FHIP1A: variants seen among roughly 807,000 people sequenced by gnomAD.
The protein encoded by FHIP1A is FHF complex subunit HOOK interacting protein 1A, also known as FHF complex subunit HOOK-interacting protein 1A.
In FHIP1A, 61 loss-of-function variants were observed where a neutral mutation model predicts 88.6. That is an observed-to-expected ratio of 0.69 (90% CI 0.56 to 0.85). The LOEUF (loss-of-function observed/expected upper bound fraction) is 0.85. Ranked by LOEUF, FHIP1A falls within the 40% of genes least tolerant of loss-of-function variation. FHIP1A has a pLI of 0.00. For missense variants in FHIP1A, 1,154 were observed against 1,273.5 expected, an observed-to-expected ratio of 0.91 and a Z score of 1.43; for synonymous variants, 478 against 496.0, an observed-to-expected ratio of 0.96 and a Z score of 0.48.
chr4:151,418,189 A>AAC (rs1486480723), intron 1 of FHIP1A, among the ~76,000 whole-genome samples: 3 of 151,284 alleles, frequency 2.0e-5, no homozygotes, highest in African/African-American at 7.3e-5. Flanking sequence ...AAAAAAAAAA[A>AAC]AAAAAACAAG....
chr4:151,561,495 T>C (rs771330101), intron 3 of FHIP1A, among the ~76,000 whole-genome samples: 2 of 152,180 alleles, frequency 1.3e-5, no homozygotes, highest in African/African-American at 4.8e-5. Context: ...AGAGGTTGTC[T>C]GAGGTAATTT....
At chr4:151,413,489 C>G (rs896057395) in intron 1 of FHIP1A, among the ~76,000 whole-genome samples, 9 of 152,110 alleles carry the variant, frequency 5.9e-5, no homozygotes, top group Non-Finnish European at 7.4e-5. Flanking sequence ...GAGTCTCGCT[C>G]TGTTGCCCAG....
chr4:151,546,770 G>A (rs1436135447), intron 3 of FHIP1A, among the ~76,000 whole-genome samples: 4 of 152,286 alleles, frequency 2.6e-5, no homozygotes, highest in South Asian at 4.2e-4. Context: ...ACATACACAC[G>A]CAACATGTTA....
intron 3 of FHIP1A, among the ~76,000 whole-genome samples, chr4:151,491,115 A>T (rs1307877332): frequency 6.6e-6 from 1 of 152,212 alleles, no homozygotes; most frequent in Non-Finnish European, 1.5e-5. Context: ...AGAGATCTAG[A>T]CATCCAAATA....
intron 3 of FHIP1A, among the ~76,000 whole-genome samples, chr4:151,485,282 G>GTTTTTTTTTTTTTTTTTTTTT (rs74327398): frequency 1.3e-4 from 15 of 118,740 alleles, no homozygotes; most frequent in African/African-American, 1.7e-4. Context: ...ATCTTTTCCA[G>GTTTTTTTTTTTTTTTTTTTTT]TTTTTTTTTT....
intron 13 of FHIP1A, among the ~76,000 whole-genome samples, chr4:151,659,330 G>A (rs1737366680): frequency 6.6e-6 from 1 of 152,130 alleles, no homozygotes; most frequent in Non-Finnish European, 1.5e-5. Flanking sequence ...CTGTCCCCTT[G>A]TACAAAGCTG....
At chr4:151,633,725 A>G (rs1292902170) in intron 8 of FHIP1A, among the ~76,000 whole-genome samples, 1 of 151,972 alleles carries the variant, frequency 6.6e-6, no homozygotes, top group Non-Finnish European at 1.5e-5. Flanking sequence ...CTCAATTGAT[A>G]CAGAAAAGGC....
intron 3 of FHIP1A, among the ~76,000 whole-genome samples, chr4:151,557,978 A>G (rs1420652199): frequency 6.6e-6 from 1 of 152,180 alleles, no homozygotes; most frequent in Non-Finnish European, 1.5e-5. Context: ...GACATTGAGA[A>G]TGTATTCTTT....
At chr4:151,611,665 T>C (rs1735328670) in intron 7 of FHIP1A, among the ~76,000 whole-genome samples, 1 of 152,236 alleles carries the variant, frequency 6.6e-6, no homozygotes, top group Admixed American at 6.5e-5. Context: ...ATCTAGTTTT[T>C]TTCTTTGAAG....
rs1288019356 is a variant in FHIP1A, at chr4:151,662,549, A to G, written c.2918A>G (p.Asp973Gly). The change falls in exon 14 of 14, where the codon GAT becomes GGT. Residue 973 changes from aspartate to glycine, a missense_variant. Asp to Gly is a moderately conservative substitution (Grantham distance 94). Coordinates refer to ENST00000435205, the MANE Select transcript of FHIP1A (RefSeq NM_001109977.3). The part of the protein sequence containing the change: ...SRTGSGKNLL[D>G]GPPRVLQPFL... Reference sequence around the variant, plus strand: ...ACAGGAAGTGGCAAGAACCTTTTGGATGGACCTCCAAGAGTGCTTCAGCCC... The same window carrying G: ...ACAGGAAGTGGCAAGAACCTTTTGGGTGGACCTCCAAGAGTGCTTCAGCCC... 48 of 1,549,922 alleles carry G rather than the reference A, an allele frequency of 3.1e-5. No individual in the cohort carries two copies. Among genetic ancestry groups the G allele is most frequent in the Non-Finnish European group, 3.9e-5 (45 of 1,146,012 alleles).
chr4:151,508,149 A>G lies in FHIP1A; in HGVS notation c.-123+25501A>G, dbSNP rs564995441. On this transcript the variant is annotated intron_variant, in intron 3 of 13. Coordinates refer to ENST00000435205, the MANE Select transcript of FHIP1A (RefSeq NM_001109977.3). ...TAGGTAGATAAAGCAGGAGTTACAAAACAGGATTGCAGAATTTTATGTGGC... is the reference window on the plus strand; with the variant it reads ...TAGGTAGATAAAGCAGGAGTTACAAGACAGGATTGCAGAATTTTATGTGGC... Among the ~76,000 whole-genome samples the G allele has an allele frequency of 2.6e-5, 4 of 152,356 alleles. No individual in the cohort carries two copies. The East Asian group carries it at 7.7e-4, about 29-fold the overall frequency.
chr4:151,598,428 C>G (rs1194654703), intron 7 of FHIP1A, among the ~76,000 whole-genome samples: 3 of 152,258 alleles, frequency 2.0e-5, no homozygotes, highest in Admixed American at 6.5e-5. Flanking sequence ...AATCACCCAC[C>G]TTCTGCATTG....
intron 3 of FHIP1A, among the ~76,000 whole-genome samples, chr4:151,489,824 G>A (rs1053206582): frequency 6.6e-6 from 1 of 152,008 alleles, no homozygotes; most frequent in African/African-American, 2.4e-5. Context: ...CCTACCCAAG[G>A]AGAGTCTGAG....
chr4:151,569,741 C>T (rs1480413928), intron 4 of FHIP1A, among the ~76,000 whole-genome samples: 1 of 152,098 alleles, frequency 6.6e-6, no homozygotes, highest in Non-Finnish European at 1.5e-5. Flanking sequence ...ATCTGCTTGC[C>T]CACTTATACC....
At chr4:151,446,888 T>C (rs1469998589) in intron 1 of FHIP1A, among the ~76,000 whole-genome samples, 2 of 152,140 alleles carry the variant, frequency 1.3e-5, no homozygotes, top group Admixed American at 6.5e-5. Flanking sequence ...CTTGAGGAGA[T>C]GGGTTGTGAA....
intron 7 of FHIP1A, among the ~76,000 whole-genome samples, chr4:151,608,845 G>T (rs555923285): frequency 6.6e-6 from 1 of 152,294 alleles, no homozygotes; most frequent in African/African-American, 2.4e-5. Flanking sequence ...CTGGAGATAA[G>T]GAATCTCAAA....
intron 1 of FHIP1A, among the ~76,000 whole-genome samples, chr4:151,429,575 AC>A (rs1733515228): frequency 6.6e-6 from 1 of 152,236 alleles, no homozygotes; most frequent in East Asian, 1.9e-4. Context: ...AATAATATCC[AC>A]GGTGGCTCAT....
At chr4:151,638,584 T>G in intron 8 of FHIP1A, 93 bp from the exon 9 acceptor site, 2 of 707,126 alleles carry the variant, frequency 2.8e-6, no homozygotes, top group Non-Finnish European at 2.3e-6. Flanking sequence ...AAAAAGGCCA[T>G]TATATTTTGT....
intron 5 of FHIP1A, among the ~76,000 whole-genome samples, chr4:151,584,467 CTTCTGACT>C (rs2126802072): frequency 6.6e-6 from 1 of 152,298 alleles, no homozygotes; most frequent in South Asian, 2.1e-4. Context: ...CCCACACCTC[CTTCTGACT>C]TTCTGTTTGT....
Sources: gnomAD v4.1 joint callset for allele counts (sites outside exome capture counted in the v4.1 genomes callset) on GRCh38, gnomAD v4.1.1 for gene constraint, MANE v1.5 for transcripts, NCBI Gene and HGNC (gene_info 2026-07-23, HGNC 2026-07-21) for gene names.